The following PRKAR1A variants were observed in gnomAD, a reference collection of about 807,000 sequenced individuals.
PRKAR1A encodes protein kinase cAMP-dependent type I regulatory subunit alpha.
In PRKAR1A, 3 loss-of-function variants were observed where a neutral mutation model predicts 52.0. That is an observed-to-expected ratio of 0.06 (90% CI 0.03 to 0.15). The LOEUF (loss-of-function observed/expected upper bound fraction) is 0.15. PRKAR1A is among the 10% of genes least tolerant of loss of function. The pLI is 1.00. For synonymous variants in PRKAR1A, 188 were observed against 168.4 expected (o/e 1.12, Z -0.90); for missense variants, 240 against 477.4 (o/e 0.50, Z 4.63).
chr17:68,489,211 T>C, the PRKAR1A span, among the ~76,000 whole-genome samples: 5 of 46,354 alleles, frequency 1.1e-4, no homozygotes, highest in African/African-American at 4.6e-4. Flanking sequence ...TATATATATA[T>C]ATATATATAT....
the PRKAR1A span, among the ~76,000 whole-genome samples, chr17:68,499,586 A>T: frequency 6.6e-6 from 1 of 152,248 alleles, no homozygotes; most frequent in Non-Finnish European, 1.5e-5. Context: ...ACTAATGACC[A>T]TTATTAAGAC....
At chr17:68,454,814 C>T in the PRKAR1A span, among the ~76,000 whole-genome samples, 1 of 152,130 alleles carries the variant, frequency 6.6e-6, no homozygotes, top group Non-Finnish European at 1.5e-5. Flanking sequence ...TGCAAAGTGA[C>T]AGCAATTTAA....
the PRKAR1A span, among the ~76,000 whole-genome samples, chr17:68,447,637 T>C: frequency 1.3e-5 from 2 of 152,258 alleles, no homozygotes; most frequent in African/African-American, 4.8e-5. Context: ...GCGATCCTCC[T>C]GCCTCGGCCT....
At chr17:68,474,388 C>T in the PRKAR1A span, among the ~76,000 whole-genome samples, 1 of 152,174 alleles carries the variant, frequency 6.6e-6, no homozygotes, top group East Asian at 1.9e-4. Flanking sequence ...CTGCGTTGGA[C>T]TCCCCAGGCG....
At chr17:68,428,890 G>T in the PRKAR1A span, 1 of 1,614,156 alleles carries the variant, frequency 6.2e-7, no homozygotes. Flanking sequence ...TACATATAAA[G>T]GTGTCCACTG....
chr17:68,539,357 C>A (rs147490820), intron 11 of PRKAR1A: 21 of 1,614,020 alleles, frequency 1.3e-5, no homozygotes, highest in Non-Finnish European at 1.5e-5. Flanking sequence ...GGGAGAGAGG[C>A]GAGAGGATGG....
At chr17:68,464,695 A>C in the PRKAR1A span, among the ~76,000 whole-genome samples, 12 of 60,064 alleles carry the variant, frequency 2.0e-4, 1 homozygote, top group African/African-American at 6.2e-4. Flanking sequence ...CTCAAAAAAA[A>C]AAACAAAAAA....
chr17:68,421,997 G>A, the PRKAR1A span: 1 of 673,880 alleles, frequency 1.5e-6, no homozygotes, highest in Non-Finnish European at 2.6e-6. Context: ...TTTAGGTGTA[G>A]ACAAGTATGA....
chr17:68,502,888 T>A, the PRKAR1A span, among the ~76,000 whole-genome samples: 6 of 152,170 alleles, frequency 3.9e-5, no homozygotes, highest in East Asian at 1.2e-3. Context: ...AATTGTTAAC[T>A]TCTATGATTT....
At chr17:68,438,825 C>G in the PRKAR1A span, among the ~76,000 whole-genome samples, 1 of 152,332 alleles carries the variant, frequency 6.6e-6, no homozygotes, top group East Asian at 1.9e-4. Flanking sequence ...GTCTCGAACT[C>G]GTGACCTCAG....
intron 11 of PRKAR1A, chr17:68,540,941 A>C: frequency 6.3e-7 from 1 of 1,594,608 alleles, no homozygotes; most frequent in Non-Finnish European, 8.6e-7. Flanking sequence ...GTCACAGTAA[A>C]GGGGATTGAC....
At chr17:68,488,665 G>A in the PRKAR1A span, among the ~76,000 whole-genome samples, 1 of 151,260 alleles carries the variant, frequency 6.6e-6, no homozygotes, top group African/African-American at 2.4e-5. Context: ...GGGAGGCAGA[G>A]GTTGCAGTGA....
At chr17:68,464,949 G>GTTTTT in the PRKAR1A span, among the ~76,000 whole-genome samples, 1 of 144,318 alleles carries the variant, frequency 6.9e-6, no homozygotes, top group Non-Finnish European at 1.5e-5. Flanking sequence ...TTTTTTAGAC[G>GTTTTT]GAGTCTTGCT....
chr17:68,423,507 G>A, the PRKAR1A span, among the ~76,000 whole-genome samples: 1 of 152,210 alleles, frequency 6.6e-6, no homozygotes, highest in African/African-American at 2.4e-5. The surrounding 1 kb of genome is among the most constrained non-coding windows in gnomAD (Gnocchi z 4.4). Context: ...ACTCACAAGG[G>A]TCTAACACCT....
At chr17:68,513,686 C>G (rs974462963) in intron 1 of PRKAR1A, among the ~76,000 whole-genome samples, 2 of 152,186 alleles carry the variant, frequency 1.3e-5, no homozygotes, top group African/African-American at 4.8e-5. Context: ...ACTGTGAAGT[C>G]TGGTTATTCA....
rs375520447 is a variant in PRKAR1A at position 68,524,976 on chromosome 17, C to A, written c.549+18C>A. 1.3e-6 allele frequency: 2 copies of A among 1,587,866 alleles called. No homozygotes were observed. The highest frequency in any genetic ancestry group is 1.7e-6 in the Non-Finnish European group (2 of 1,156,630). ...AGACGGATGTAAGATTTACCAATATCAAAAATATGTTGATCTTAAAAGCCA... is the reference window on the plus strand; with the variant it reads ...AGACGGATGTAAGATTTACCAATATAAAAAATATGTTGATCTTAAAAGCCA... On this transcript the variant is annotated intron_variant, in intron 6 of 10. Transcript: ENST00000589228.
chr17:68,472,849 G>T, the PRKAR1A span, among the ~76,000 whole-genome samples: 1 of 152,022 alleles, frequency 6.6e-6, no homozygotes, highest in Non-Finnish European at 1.5e-5. Context: ...AGAGGCTGAG[G>T]CACGAGAATC....
the PRKAR1A span, among the ~76,000 whole-genome samples, chr17:68,504,827 G>A: frequency 1.3e-5 from 2 of 152,186 alleles, no homozygotes; most frequent in Non-Finnish European, 2.9e-5. Flanking sequence ...ATAATTAAAA[G>A]AGTATAATTG....
intron 8 of PRKAR1A, 135 bp from the exon 9 acceptor site, chr17:68,528,735 T>A (rs2085871047): frequency 1.7e-6 from 2 of 1,172,854 alleles, no homozygotes; most frequent in Non-Finnish European, 2.5e-6. Flanking sequence ...TGAAGACAGG[T>A]ACCACTTTTA....
Sources: gnomAD v4.1 joint callset for allele counts (sites outside exome capture counted in the v4.1 genomes callset) on GRCh38, gnomAD v4.1.1 for gene constraint, Gnocchi (gnomAD v3.1) non-coding constraint, MANE v1.5 for transcripts, NCBI Gene and HGNC (gene_info 2026-07-23, HGNC 2026-07-21) for gene names.